ERBB4: variants seen among roughly 807,000 people sequenced by gnomAD.
The protein encoded by ERBB4 is erb-b2 receptor tyrosine kinase 4, also known as receptor tyrosine-protein kinase erbB-4.
A neutral mutation model predicts 158.0 loss-of-function variants in ERBB4; 42 were observed. The ratio of observed to expected loss-of-function variants is 0.27; its 90% CI spans 0.21 to 0.34. The LOEUF is 0.34. Ranked by LOEUF, ERBB4 falls within the 10% of genes least tolerant of loss-of-function variation. ERBB4 has a pLI of 1.00. For missense variants in ERBB4, 1,333 were observed against 1,624.1 expected, an observed-to-expected ratio of 0.82 and a Z score of 3.08; for synonymous variants, 583 against 558.7, an observed-to-expected ratio of 1.04 and a Z score of -0.61.
intron 3 of ERBB4, among the ~76,000 whole-genome samples, chr2:211,852,635 A>C (rs2077746813): frequency 1.2e-5 from 1 of 83,100 alleles, no homozygotes; most frequent in East Asian, 4.0e-4. Context: ...ACAATGGCCA[A>C]CTTTTTTTTT....
At chr2:211,544,996 C>G (rs1285035012) in intron 20 of ERBB4, among the ~76,000 whole-genome samples, 1 of 152,020 alleles carries the variant, frequency 6.6e-6, no homozygotes, top group Non-Finnish European at 1.5e-5. Flanking sequence ...AGAAGGAATT[C>G]ATGAAATTTT....
At chr2:212,195,326 C>G (rs1484970257) in intron 1 of ERBB4, among the ~76,000 whole-genome samples, 1 of 152,006 alleles carries the variant, frequency 6.6e-6, no homozygotes, top group East Asian at 1.9e-4. Flanking sequence ...CAAGGTGTTA[C>G]TTTCTAAGAA....
At chr2:211,683,533 C>T (rs1188133560) in intron 12 of ERBB4, among the ~76,000 whole-genome samples, 1 of 151,980 alleles carries the variant, frequency 6.6e-6, no homozygotes, top group African/African-American at 2.4e-5. Context: ...TTTTATTGAC[C>T]ATAGTATTTC....
intron 2 of ERBB4, among the ~76,000 whole-genome samples, chr2:211,977,727 C>T (rs1426784340): frequency 6.6e-6 from 1 of 150,472 alleles, no homozygotes; most frequent in Non-Finnish European, 1.5e-5. Flanking sequence ...TTTTAAATAG[C>T]TGTAATCCCA....
chr2:211,644,333 C>T (rs2070707227), intron 16 of ERBB4, among the ~76,000 whole-genome samples: 1 of 151,962 alleles, frequency 6.6e-6, no homozygotes, highest in Admixed American at 6.6e-5. Flanking sequence ...CACCCAACCC[C>T]TAATTAGAAC....
intron 1 of ERBB4, among the ~76,000 whole-genome samples, chr2:212,500,489 C>G (rs1210755415): frequency 6.6e-6 from 1 of 151,956 alleles, no homozygotes; most frequent in Non-Finnish European, 1.5e-5. Flanking sequence ...TAGGGCTATT[C>G]TTAAAGTGGC....
At chr2:211,606,467 T>C (rs1377898619) in intron 19 of ERBB4, among the ~76,000 whole-genome samples, 1 of 151,898 alleles carries the variant, frequency 6.6e-6, no homozygotes. Flanking sequence ...CTATAGGCTG[T>C]TACTTTAAAT....
chr2:211,677,577 TAA>T (rs566073475), intron 13 of ERBB4, among the ~76,000 whole-genome samples: 18 of 117,430 alleles, frequency 1.5e-4, no homozygotes, highest in African/African-American at 5.6e-4. Context: ...AAAAATAAAT[TAA>T]AAAAAAAAAA....
intron 12 of ERBB4, among the ~76,000 whole-genome samples, chr2:211,687,541 TAG>T (rs2072616079): frequency 1.3e-5 from 2 of 149,008 alleles, no homozygotes; most frequent in African/African-American, 2.5e-5. Flanking sequence ...TTGTTGTTTT[TAG>T]CATTGTATGT....
At chr2:212,494,714 TA>T (rs979454373) in intron 1 of ERBB4, among the ~76,000 whole-genome samples, 2 of 152,064 alleles carry the variant, frequency 1.3e-5, no homozygotes, top group East Asian at 1.9e-4. Context: ...GCATCACCCT[TA>T]AAAAAATCCA....
intron 1 of ERBB4, among the ~76,000 whole-genome samples, chr2:212,314,153 A>C (rs936106243): frequency 2.6e-5 from 4 of 151,274 alleles, no homozygotes; most frequent in African/African-American, 9.7e-5. Flanking sequence ...GCATGTTATT[A>C]AATTATTTTC....
intron 2 of ERBB4, among the ~76,000 whole-genome samples, chr2:211,980,027 G>A (rs764670982): frequency 2.6e-5 from 4 of 152,094 alleles, no homozygotes; most frequent in East Asian, 1.9e-4. Context: ...ATTCCTCAAC[G>A]TGACATTTAA....
rs116749349 is a variant in ERBB4 at position 211,525,498 on chromosome 2, C to T, written c.2487+36405G>A. Among the ~76,000 whole-genome samples, 543 of 152,242 alleles carry T rather than the reference C, an allele frequency of 3.6e-3. 7 individuals carry two copies. Among genetic ancestry groups the T allele is most frequent in the African/African-American group, 0.012 (510 of 41,566 alleles). On this transcript the variant is annotated intron_variant, in intron 20 of 27. Coordinates refer to ENST00000342788, the MANE Select transcript of ERBB4 (RefSeq NM_005235.3). ...ACCTAGTCCTGGTAGGATCCATCAC[C>T]TGCTGACTAAAGAGCCCTTGGGCCC... is the stretch of plus-strand genomic sequence containing the variant.
chr2:212,111,183 A>G (rs962981651), intron 2 of ERBB4, among the ~76,000 whole-genome samples: 1 of 152,144 alleles, frequency 6.6e-6, no homozygotes, highest in Non-Finnish European at 1.5e-5. Context: ...CTTTTTATCT[A>G]CTTCTTCACC....
chr2:211,816,876 G>A (rs1253694203), intron 3 of ERBB4, among the ~76,000 whole-genome samples: 3 of 152,120 alleles, frequency 2.0e-5, no homozygotes, highest in Admixed American at 2.0e-4. Context: ...CAATGGAGCT[G>A]GAAGCACTGT....
intron 1 of ERBB4, among the ~76,000 whole-genome samples, chr2:212,500,259 A>C (rs2106236736): frequency 6.6e-6 from 1 of 152,170 alleles, no homozygotes; most frequent in African/African-American, 2.4e-5. Flanking sequence ...ATTCACATAC[A>C]CAGTTGAGCT....
chr2:211,405,225 G>T (rs1396075459), intron 25 of ERBB4, among the ~76,000 whole-genome samples: 2 of 152,012 alleles, frequency 1.3e-5, no homozygotes, highest in African/African-American at 4.8e-5. Flanking sequence ...TCACTAAATT[G>T]CCTCAATCAG....
At chr2:211,612,428 CTT>C (rs2069234542) in intron 19 of ERBB4, among the ~76,000 whole-genome samples, 1 of 151,552 alleles carries the variant, frequency 6.6e-6, no homozygotes, top group African/African-American at 2.4e-5. Flanking sequence ...TATATAATAA[CTT>C]ATTAAAATTT....
chr2:211,804,506 T>C (rs894435584), intron 3 of ERBB4, among the ~76,000 whole-genome samples: 3 of 152,090 alleles, frequency 2.0e-5, no homozygotes, highest in Non-Finnish European at 4.4e-5. Context: ...GCCAATACAA[T>C]TCCAAAAAAG....
Sources: allele counts gnomAD v4.1 joint callset (sites outside exome capture counted in the v4.1 genomes callset), GRCh38; gene constraint gnomAD v4.1.1; transcripts MANE v1.5; gene names NCBI Gene and HGNC (gene_info 2026-07-23, HGNC 2026-07-21).